The following SNX2 variants were observed in gnomAD, a reference collection of about 807,000 sequenced individuals.
SNX2 encodes the protein sorting nexin-2.
In SNX2, 25 loss-of-function variants were observed where a neutral mutation model predicts 69.9. That is an observed-to-expected ratio of 0.36 (90% CI 0.26 to 0.50). SNX2 has a LOEUF of 0.50. SNX2 is among the 20% of genes least tolerant of loss of function. SNX2 has a pLI of 0.97. For missense variants in SNX2, 551 were observed against 613.3 expected, an observed-to-expected ratio of 0.90 and a Z score of 1.07; for synonymous variants, 229 against 200.4, an observed-to-expected ratio of 1.14 and a Z score of -1.20.
intron 6 of SNX2, among the ~76,000 whole-genome samples, chr5:122,804,451 C>T (rs879264658): frequency 1.3e-4 from 20 of 151,152 alleles, no homozygotes; most frequent in Non-Finnish European, 2.4e-4. Flanking sequence ...CTGCAACCTC[C>T]GCCTCCTGGG....
rs954134433 is a variant in SNX2 at position 122,833,868 on chromosome 5, C to G, written c.*4220C>G. The G allele has an allele frequency of 6.6e-6, 1 of 152,176 alleles. No individual in the cohort carries two copies. Among genetic ancestry groups the G allele is most frequent in the African/African-American group, 2.4e-5 (1 of 41,446 alleles). 9.4% of individuals were successfully genotyped at this position (152,176 alleles called of 1,614,324 possible). Reference sequence around the variant, plus strand: ...ATAAAAGCGACTCCTAGTTGTTACTCTCAAGGGCAGGTATAATTTATGTGC... The same window carrying G: ...ATAAAAGCGACTCCTAGTTGTTACTGTCAAGGGCAGGTATAATTTATGTGC... On this transcript the variant is annotated 3_prime_UTR_variant, in exon 15 of 15. Coordinates refer to ENST00000379516, the MANE Select transcript of SNX2 (RefSeq NM_003100.4).
intron 7 of SNX2, among the ~76,000 whole-genome samples, chr5:122,810,554 A>T (rs1048092870): frequency 1.3e-5 from 2 of 152,172 alleles, no homozygotes; most frequent in Non-Finnish European, 2.9e-5. Flanking sequence ...GGCATGCTTG[A>T]TAAGGAACTT....
At chr5:122,775,001 G>T, upstream of SNX2, 1 of 1,188,692 alleles carries the variant, frequency 8.4e-7, no homozygotes, top group South Asian at 2.2e-5. Context: ...TTGAGAGGCC[G>T]GCCGGGGGCG....
chr5:122,832,110 GT>G lies in SNX2; in HGVS notation c.*2465del, dbSNP rs1014426315. Among the ~76,000 whole-genome samples, 4 of 152,098 alleles carry G rather than the reference GT, an allele frequency of 2.6e-5. No homozygotes were observed. The highest frequency in any genetic ancestry group is 7.2e-5 in the African/African-American group (3 of 41,380). On this transcript the variant is annotated 3_prime_UTR_variant, in exon 15 of 15. Transcript: ENST00000379516. ...TAATCTTTTCATTGGATAGGTCTGAGTTTAGCGTTTGTTTGTTTTCTTAATG... is the reference window on the plus strand; with the variant it reads ...TAATCTTTTCATTGGATAGGTCTGAGTTAGCGTTTGTTTGTTTTCTTAATG...
At chr5:122,795,491 AGC>A in intron 2 of SNX2, 108 bp downstream of exon 2, 1 of 716,212 alleles carries the variant, frequency 1.4e-6, no homozygotes, top group Non-Finnish European at 2.4e-6. Context: ...TGTTAGTGGC[AGC>A]TCTTGTAACA....
At position 122,831,053 on chromosome 5, in the gene SNX2, A is replaced by G. The variant is rs1053338449; in HGVS notation, c.*1405A>G. Among the ~76,000 whole-genome samples, 2 of 147,276 alleles carry G rather than the reference A, an allele frequency of 1.4e-5. No individual in the cohort carries two copies. The highest frequency in any genetic ancestry group is 5.0e-5 in the African/African-American group (2 of 40,168). On this transcript the variant is annotated 3_prime_UTR_variant, in exon 15 of 15. Coordinates refer to ENST00000379516, the MANE Select transcript of SNX2 (RefSeq NM_003100.4). ...AAAAAAGATGACTGGTGTCAGAGCT[A>G]TTTTTGTTTTTTAAAAAATATTCTT...
chr5:122,817,075 C>A (rs1460534923), intron 9 of SNX2, 47 bp downstream of exon 9: 8 of 1,346,064 alleles, frequency 5.9e-6, no homozygotes, highest in Admixed American at 1.7e-5. Flanking sequence ...ATTAATGAGC[C>A]CAACAATTGC....
At chr5:122,829,512 A>ATT in intron 14 of SNX2, 86 bp from the exon 15 acceptor site, 2 of 1,054,850 alleles carry the variant, frequency 1.9e-6, no homozygotes, top group Non-Finnish European at 2.8e-6. Context: ...GCTTATGTAG[A>ATT]TTTTTTTTTA....
Position 122,817,391 on chromosome 5 carries a change from CT to C in SNX2, c.1006+20del. On this transcript the variant is annotated intron_variant, in intron 10 of 14. Transcript: ENST00000379516. ...TAGAAAAGGTTTGTTTGCCTTACTA[CT>C]TACGTAGTTAGCACCATAAAACTAA... The C allele has an allele frequency of 6.5e-7, 1 of 1,534,748 alleles. No individual in the cohort carries two copies. The highest frequency in any genetic ancestry group is 9.0e-7 in the Non-Finnish European group (1 of 1,110,022).
chr5:122,801,511 A>T (rs536063603), intron 3 of SNX2, among the ~76,000 whole-genome samples: 14 of 151,952 alleles, frequency 9.2e-5, no homozygotes, highest in Non-Finnish European at 2.1e-4. Flanking sequence ...AGGCCAAGGC[A>T]TGAGAATTGC....
At chr5:122,782,397 C>T (rs1055995053) in intron 1 of SNX2, among the ~76,000 whole-genome samples, 2 of 151,808 alleles carry the variant, frequency 1.3e-5, no homozygotes, top group African/African-American at 4.8e-5. Context: ...TACCCCCACG[C>T]CCAGCTAATT....
chr5:122,783,541 G>T (rs1753020401), intron 1 of SNX2, among the ~76,000 whole-genome samples: 1 of 152,074 alleles, frequency 6.6e-6, no homozygotes, highest in South Asian at 2.1e-4. Flanking sequence ...AGCACCATTT[G>T]TTGAAAGTCT....
intron 1 of SNX2, among the ~76,000 whole-genome samples, chr5:122,780,672 C>T (rs1053008776): frequency 6.6e-6 from 1 of 150,860 alleles, no homozygotes; most frequent in Non-Finnish European, 1.5e-5. Context: ...CAGGTTCAAG[C>T]GATTCTCCTG....
chr5:122,794,855 A>AAAAT (rs779285188), intron 1 of SNX2, among the ~76,000 whole-genome samples: 32 of 151,900 alleles, frequency 2.1e-4, no homozygotes, highest in African/African-American at 4.6e-4. Context: ...ATCTCTACAA[A>AAAAT]AAATAAATAA....
At chr5:122,816,828 G>GT (rs1458143890) in intron 8 of SNX2, 87 bp from the exon 9 acceptor site, 6 of 591,914 alleles carry the variant, frequency 1.0e-5, no homozygotes, top group Non-Finnish European at 1.2e-5. Context: ...GGGGGGGAGG[G>GT]GGGAGGAGGG....
chr5:122,830,166 AATAGGAAGAAATTTTTCTTCTAGATGTAT>A lies in SNX2; in HGVS notation c.*524_*552del, dbSNP rs1428588336. On this transcript the variant is annotated 3_prime_UTR_variant, in exon 15 of 15. Transcript: ENST00000379516. ...TTAGGAATCTTTTCAAAGCATTTTTAATAGGAAGAAATTTTTCTTCTAGATGTATATAGGTGATGCCATGATTCCTTAAT... is the reference window on the plus strand; with the variant it reads ...TTAGGAATCTTTTCAAAGCATTTTTAATAGGTGATGCCATGATTCCTTAAT... 6.5e-6 allele frequency: 1 copy of A among 153,788 alleles called. No homozygotes were observed. The highest frequency in any genetic ancestry group is 2.4e-5 in the African/African-American group (1 of 41,478). 9.5% of individuals were successfully genotyped at this position (153,788 alleles called of 1,614,324 possible).
intron 1 of SNX2, among the ~76,000 whole-genome samples, chr5:122,784,088 T>C (rs552738315): frequency 6.2e-4 from 95 of 152,140 alleles, no homozygotes; most frequent in Non-Finnish European, 1.2e-3. Flanking sequence ...TGACCCTGTA[T>C]GATAGCAACT....
intron 1 of SNX2, among the ~76,000 whole-genome samples, chr5:122,776,998 T>A (rs1374482535): frequency 6.6e-6 from 1 of 152,236 alleles, no homozygotes; most frequent in Non-Finnish European, 1.5e-5. Context: ...AGGTTACTAA[T>A]TTTCAGAAGG....
chr5:122,788,659 C>T (rs954873640), intron 1 of SNX2, among the ~76,000 whole-genome samples: 1 of 152,154 alleles, frequency 6.6e-6, no homozygotes, highest in African/African-American at 2.4e-5. Flanking sequence ...CCATTATTCT[C>T]TTTGGTAACA....
Sources: allele counts gnomAD v4.1 joint callset (sites outside exome capture counted in the v4.1 genomes callset), GRCh38; gene constraint gnomAD v4.1.1; transcripts MANE v1.5; gene names NCBI Gene and HGNC (gene_info 2026-07-23, HGNC 2026-07-21).